Variants in RHBDD1 observed in about 807,000 individuals in gnomAD.
RHBDD1 encodes the protein rhomboid-related protein 4.
A neutral mutation model predicts 36.3 loss-of-function variants in RHBDD1; 38 were observed. The ratio of observed to expected loss-of-function variants is 1.05; its 90% CI spans 0.81 to 1.37. The LOEUF (loss-of-function observed/expected upper bound fraction) is 1.37. Among genes scored for constraint, RHBDD1 ranks in the 40% most tolerant of loss-of-function variants. The pLI is 0.00. For missense variants in RHBDD1, 393 were observed against 377.6 expected (o/e 1.04, Z -0.34); for synonymous variants, 151 against 136.5 (o/e 1.11, Z -0.74).
chr2:226,953,163 T>A (rs1951549041), intron 8 of RHBDD1, among the ~76,000 whole-genome samples: 1 of 152,234 alleles, frequency 6.6e-6, no homozygotes, highest in Non-Finnish European at 1.5e-5. Context: ...TGATTACTGC[T>A]TGTGTTCCTT....
chr2:226,813,646 A>C, the RHBDD1 span, among the ~76,000 whole-genome samples: 221 of 152,314 alleles, frequency 1.5e-3, 5 homozygotes, highest in African/African-American at 5.2e-3. Context: ...AGTGCCTTTC[A>C]TGCTTCAAGT....
chr2:226,984,843 A>G (rs1438232150), intron 8 of RHBDD1, among the ~76,000 whole-genome samples: 2 of 151,730 alleles, frequency 1.3e-5, no homozygotes. Context: ...GTGCACTCTG[A>G]ACCAGGCATC....
chr2:226,895,841 A>T (rs1947059057), intron 5 of RHBDD1: 2 of 983,198 alleles, frequency 2.0e-6, no homozygotes, highest in Non-Finnish European at 2.4e-6. Flanking sequence ...CACCACATTG[A>T]TGAGAGAAGT....
chr2:226,943,225 C>T (rs1950775455), intron 8 of RHBDD1, among the ~76,000 whole-genome samples: 1 of 152,058 alleles, frequency 6.6e-6, no homozygotes, highest in Non-Finnish European at 1.5e-5. Context: ...ATCAGAGGAC[C>T]AAAGATCTCC....
chr2:226,981,946 T>G (rs1205813616), intron 8 of RHBDD1, among the ~76,000 whole-genome samples: 1 of 152,234 alleles, frequency 6.6e-6, no homozygotes, highest in Non-Finnish European at 1.5e-5. Context: ...GCCCTCATGG[T>G]CCAAGTTATC....
intron 5 of RHBDD1, among the ~76,000 whole-genome samples, chr2:226,896,872 G>A (rs1013194468): frequency 4.0e-5 from 6 of 151,888 alleles, no homozygotes; most frequent in African/African-American, 1.5e-4. Flanking sequence ...GCACCATCTC[G>A]GCTCACTACA....
the RHBDD1 span, among the ~76,000 whole-genome samples, chr2:226,824,750 G>A: frequency 6.6e-6 from 1 of 152,162 alleles, no homozygotes; most frequent in Admixed American, 6.5e-5. Context: ...GTCACCATCA[G>A]GGCTGAACAG....
At chr2:226,827,738 G>A in the RHBDD1 span, among the ~76,000 whole-genome samples, 10 of 152,180 alleles carry the variant, frequency 6.6e-5, no homozygotes, top group Non-Finnish European at 1.3e-4. Flanking sequence ...TGGTTTCATT[G>A]ATAGTAATGT....
At chr2:226,914,076 T>G (rs1948719571) in intron 7 of RHBDD1, 132 bp from the exon 8 acceptor site, 1 of 794,898 alleles carries the variant, frequency 1.3e-6, no homozygotes, top group Non-Finnish European at 2.0e-6. Context: ...TGGCATCTTT[T>G]CTTATTTTGA....
At chr2:226,929,001 T>A (rs1949845547) in intron 8 of RHBDD1, among the ~76,000 whole-genome samples, 1 of 151,794 alleles carries the variant, frequency 6.6e-6, no homozygotes, top group Admixed American at 6.6e-5. Context: ...TGAGATTGAA[T>A]CCATAATTTT....
chr2:226,945,979 C>T (rs377032654), intron 8 of RHBDD1, among the ~76,000 whole-genome samples: 9 of 152,052 alleles, frequency 5.9e-5, no homozygotes, highest in South Asian at 2.1e-4. Flanking sequence ...TCATAACCTT[C>T]GCCCACTTTT....
intron 8 of RHBDD1, among the ~76,000 whole-genome samples, chr2:226,970,693 A>G (rs190211721): frequency 1.1e-3 from 161 of 152,324 alleles, no homozygotes; most frequent in African/African-American, 3.7e-3. Context: ...AGCCTGTGAA[A>G]TATTTTCCAA....
At chr2:226,921,157 T>C (rs987934319) in intron 8 of RHBDD1, among the ~76,000 whole-genome samples, 1 of 152,180 alleles carries the variant, frequency 6.6e-6, no homozygotes, top group Non-Finnish European at 1.5e-5. Flanking sequence ...CAGTTGCTCA[T>C]AGTAGCCTTT....
chr2:226,989,352 A>C (rs1026360442), intron 8 of RHBDD1, among the ~76,000 whole-genome samples: 1 of 152,210 alleles, frequency 6.6e-6, no homozygotes, highest in African/African-American at 2.4e-5. Context: ...CTATAGTTAG[A>C]AATCAGGATC....
At chr2:226,819,017 A>C in the RHBDD1 span, among the ~76,000 whole-genome samples, 1,119 of 152,264 alleles carry the variant, frequency 7.3e-3, 13 homozygotes, top group South Asian at 0.043. Context: ...GCCAAATGTC[A>C]GGTGCCATTT....
chr2:226,820,905 AATG>A, the RHBDD1 span, among the ~76,000 whole-genome samples: 21 of 152,294 alleles, frequency 1.4e-4, no homozygotes, highest in Middle Eastern at 3.4e-3. Flanking sequence ...GTCAAAGAAT[AATG>A]ATGAAGAAAT....
intron 5 of RHBDD1, among the ~76,000 whole-genome samples, chr2:226,874,960 AG>A (rs1945102459): frequency 6.6e-6 from 1 of 152,314 alleles, no homozygotes; most frequent in African/African-American, 2.4e-5. Context: ...CAAATCACAT[AG>A]TATCTATTGT....
intron 8 of RHBDD1, among the ~76,000 whole-genome samples, chr2:226,936,243 A>G (rs1315657793): frequency 6.6e-6 from 1 of 152,146 alleles, no homozygotes; most frequent in Non-Finnish European, 1.5e-5. Flanking sequence ...TCTAGATGTG[A>G]AATTTTACAA....
the RHBDD1 span, among the ~76,000 whole-genome samples, chr2:226,827,843 A>G: frequency 6.6e-6 from 1 of 152,232 alleles, no homozygotes; most frequent in Non-Finnish European, 1.5e-5. Flanking sequence ...TTTCTTGAGC[A>G]TAGCATGTGG....
Sources: gnomAD v4.1 joint callset for allele counts (sites outside exome capture counted in the v4.1 genomes callset) on GRCh38, gnomAD v4.1.1 for gene constraint, MANE v1.5 for transcripts, NCBI Gene and HGNC (gene_info 2026-07-23, HGNC 2026-07-21) for gene names.